Variants in CPEB3 observed in about 807,000 individuals in gnomAD.
The protein encoded by CPEB3 is cytoplasmic polyadenylation element binding protein 3, also known as cytoplasmic polyadenylation element-binding protein 3.
CPEB3 carries 20 observed loss-of-function variants against 67.2 expected under a neutral mutation model. That is an observed-to-expected ratio of 0.30 (90% CI 0.21 to 0.43). The LOEUF (loss-of-function observed/expected upper bound fraction) is 0.43. Among genes scored for constraint, CPEB3 ranks in the 20% least tolerant of loss-of-function variants. The pLI, the probability that CPEB3 is intolerant of heterozygous loss-of-function variation, is 1.00. For missense variants in CPEB3, 746 were observed against 968.6 expected (o/e 0.77, Z 3.05); for synonymous variants, 376 against 393.1 (o/e 0.96, Z 0.51).
intron 2 of CPEB3, chr10:92,216,893 C>T: frequency 1.8e-6 from 2 of 1,081,866 alleles, no homozygotes; most frequent in East Asian, 2.4e-5. Context: ...CGGCATCTTC[C>T]CAGTTCCCCA....
chr10:92,061,376 G>A lies in CPEB3; in HGVS notation c.1870-8937C>T, dbSNP rs142409933. Among the ~76,000 whole-genome samples, 929 of 140,738 alleles carry A rather than the reference G, an allele frequency of 6.6e-3. 4 individuals carry two copies. Among genetic ancestry groups the A allele is most frequent in the Non-Finnish European group, 9.3e-3 (622 of 66,904 alleles). 92.3% of individuals were successfully genotyped at this position (140,738 alleles called of 152,430 possible). A position where few individuals can be genotyped will look rare whatever the true frequency, so the allele number is the denominator to read the frequency against. On this transcript the variant is annotated intron_variant, in intron 9 of 9. Coordinates refer to ENST00000265997, the MANE Select transcript of CPEB3 (RefSeq NM_014912.5). Reference sequence around the variant, plus strand: ...GGAGGTTGCAGTGAGCCAAGATCGCGCCACTGCACTCCAGCCTGGGTGAAA... The same window carrying A: ...GGAGGTTGCAGTGAGCCAAGATCGCACCACTGCACTCCAGCCTGGGTGAAA...
intron 7 of CPEB3, among the ~76,000 whole-genome samples, chr10:92,093,885 T>C (rs577075933): frequency 2.0e-4 from 30 of 150,472 alleles, no homozygotes; most frequent in African/African-American, 7.3e-4. Context: ...GACAGAGTGT[T>C]GCTTTATTGC....
At chr10:92,144,305 T>G (rs908756290) in intron 5 of CPEB3, among the ~76,000 whole-genome samples, 1 of 152,204 alleles carries the variant, frequency 6.6e-6, no homozygotes, top group Non-Finnish European at 1.5e-5. Context: ...AGGGTCTCAC[T>G]CTGTCATCCA....
At chr10:92,097,238 A>C (rs1174607595) in intron 7 of CPEB3, among the ~76,000 whole-genome samples, 1 of 152,234 alleles carries the variant, frequency 6.6e-6, no homozygotes, top group East Asian at 1.9e-4. Flanking sequence ...CAATATTCTA[A>C]AATAGGAACT....
chr10:92,149,457 T>C (rs1267171205), intron 4 of CPEB3, among the ~76,000 whole-genome samples: 3 of 151,968 alleles, frequency 2.0e-5, no homozygotes. Flanking sequence ...AGTGAAAGAG[T>C]GAAGAAGCAG....
intron 2 of CPEB3, among the ~76,000 whole-genome samples, chr10:92,206,963 A>G (rs1849821060): frequency 6.6e-6 from 1 of 152,074 alleles, no homozygotes; most frequent in East Asian, 1.9e-4. Context: ...ATAAGAAACA[A>G]TATGAGAAGG....
At chr10:92,192,805 A>G (rs1849046502) in intron 2 of CPEB3, among the ~76,000 whole-genome samples, 169 bp from the exon 3 acceptor site, 1 of 152,114 alleles carries the variant, frequency 6.6e-6, no homozygotes, top group Non-Finnish European at 1.5e-5. Context: ...CTTTGTAGAG[A>G]TGGGGTCTCG....
intron 9 of CPEB3, among the ~76,000 whole-genome samples, chr10:92,063,718 C>T (rs565942722): frequency 8.6e-5 from 13 of 151,278 alleles, no homozygotes; most frequent in African/African-American, 2.9e-4. Context: ...GAGCCAAGAT[C>T]ACACCACTGC....
intron 3 of CPEB3, among the ~76,000 whole-genome samples, chr10:92,184,821 C>A (rs1848615999): frequency 6.6e-6 from 1 of 151,828 alleles, no homozygotes; most frequent in Non-Finnish European, 1.5e-5. Flanking sequence ...TCACATAATG[C>A]AAAAAAATGG....
intron 7 of CPEB3, among the ~76,000 whole-genome samples, chr10:92,109,160 C>A (rs1455658865): frequency 6.6e-6 from 1 of 152,178 alleles, no homozygotes. Flanking sequence ...TCCCAGCTCA[C>A]TCCAGCTTCT....
chr10:92,069,512 T>C (rs1367577273), intron 9 of CPEB3, among the ~76,000 whole-genome samples: 2 of 152,138 alleles, frequency 1.3e-5, no homozygotes, highest in Non-Finnish European at 2.9e-5. Flanking sequence ...CAAGTGATTC[T>C]CCTGCCGTAG....
At chr10:92,121,811 C>T (rs897074500) in intron 6 of CPEB3, among the ~76,000 whole-genome samples, 4 of 152,146 alleles carry the variant, frequency 2.6e-5, no homozygotes, top group Admixed American at 2.6e-4. Flanking sequence ...ACAGGCAGCT[C>T]TCTCCTCTCA....
At chr10:92,150,671 G>C (rs1258829275) in intron 4 of CPEB3, among the ~76,000 whole-genome samples, 1 of 152,114 alleles carries the variant, frequency 6.6e-6, no homozygotes, top group East Asian at 1.9e-4. Flanking sequence ...TGTGTTACTA[G>C]AAACTGAAAA....
intron 6 of CPEB3, among the ~76,000 whole-genome samples, chr10:92,111,717 A>G (rs764827521): frequency 1.3e-5 from 2 of 152,180 alleles, no homozygotes; most frequent in Non-Finnish European, 2.9e-5. Context: ...GGGATGATAA[A>G]TTTTCTAAAA....
chr10:92,282,937 T>C (rs1253361811), intron 1 of CPEB3, among the ~76,000 whole-genome samples: 1 of 152,030 alleles, frequency 6.6e-6, no homozygotes, highest in African/African-American at 2.4e-5. Context: ...CAACCCACCA[T>C]ACATACCACT....
At chr10:92,105,212 G>A (rs1025560562) in intron 7 of CPEB3, among the ~76,000 whole-genome samples, 10 of 152,194 alleles carry the variant, frequency 6.6e-5, no homozygotes, top group African/African-American at 2.4e-4. Context: ...AACCAGATTC[G>A]AATGGGCCAA....
chr10:92,096,022 A>ACACC (rs1843858147), intron 7 of CPEB3, among the ~76,000 whole-genome samples: 1 of 139,562 alleles, frequency 7.2e-6, no homozygotes, highest in Non-Finnish European at 1.5e-5. Context: ...GTGTGCCACC[A>ACACC]CACCTGGCTG....
intron 1 of CPEB3, among the ~76,000 whole-genome samples, chr10:92,289,113 C>T (rs777000187): frequency 6.6e-6 from 1 of 151,810 alleles, no homozygotes; most frequent in Non-Finnish European, 1.5e-5. Flanking sequence ...CATGGTGGTG[C>T]GAGCCTGTAA....
chr10:92,193,858 G>A (rs936413985), intron 2 of CPEB3, among the ~76,000 whole-genome samples: 8 of 149,820 alleles, frequency 5.3e-5, no homozygotes, highest in South Asian at 2.1e-4. Context: ...GTGCAGTGGC[G>A]CAATCTTGGC....
Sources: gnomAD v4.1 joint callset for allele counts (sites outside exome capture counted in the v4.1 genomes callset) on GRCh38, gnomAD v4.1.1 for gene constraint, MANE v1.5 for transcripts, NCBI Gene and HGNC (gene_info 2026-07-23, HGNC 2026-07-21) for gene names.